The following MDFIC2 variants were observed in gnomAD, a reference collection of about 807,000 sequenced individuals.
The protein encoded by MDFIC2 is MyoD family inhibitor domain containing 2, also known as myoD family inhibitor domain-containing protein 2.
At chr3:70,305,918 T>G (rs968492474) in intron 2 of MDFIC2, among the ~76,000 whole-genome samples, 1 of 152,146 alleles carries the variant, frequency 6.6e-6, no homozygotes, top group Non-Finnish European at 1.5e-5. Flanking sequence ...GGAACCTGGA[T>G]TTTTTTGGAC....
chr3:70,274,525 T>C (rs892759634), intron 2 of MDFIC2, among the ~76,000 whole-genome samples: 10 of 152,118 alleles, frequency 6.6e-5, no homozygotes, highest in African/African-American at 2.4e-4. Flanking sequence ...AACTTCCAAA[T>C]TGAACAGAAA....
intron 2 of MDFIC2, among the ~76,000 whole-genome samples, chr3:70,298,178 C>T (rs1469745257): frequency 6.6e-6 from 1 of 152,020 alleles, no homozygotes; most frequent in African/African-American, 2.4e-5. Context: ...CTTAGGTTTG[C>T]AGGTTTTTGA....
chr3:70,274,226 T>C (rs908390365), intron 2 of MDFIC2, among the ~76,000 whole-genome samples: 1 of 151,934 alleles, frequency 6.6e-6, no homozygotes, highest in Non-Finnish European at 1.5e-5. Flanking sequence ...AGACAATTGA[T>C]ATGTTTTAAT....
At chr3:70,292,353 C>A (rs1193473954) in intron 2 of MDFIC2, among the ~76,000 whole-genome samples, 5 of 152,066 alleles carry the variant, frequency 3.3e-5, no homozygotes, top group Admixed American at 2.6e-4. Flanking sequence ...CTATACATAT[C>A]TTGTTGGCCT....
chr3:70,205,562 G>T (rs58093607), intron 3 of MDFIC2: 28,939 of 150,676 alleles, frequency 0.19, 2,985 homozygotes, highest in Non-Finnish European at 0.24. Flanking sequence ...ATTTTTTTTT[G>T]ATCCCCAACA....
rs142673703 is a variant in MDFIC2, at chr3:70,245,265, C to A, written c.89-38475G>T. On this transcript the variant is annotated intron_variant, in intron 2 of 3. Transcript: ENST00000567252. ...AAAGAAGATGAGAATTAGAAAAAAA[C>A]CAAATGAAATTTTGGTGATATAAAA... Among the ~76,000 whole-genome samples, 65 of 151,992 alleles carry A rather than the reference C, an allele frequency of 4.3e-4. No individual in the cohort carries two copies. The East Asian group carries it at 9.7e-3, about 23-fold the overall frequency.
At chr3:70,292,689 C>G (rs1157900817) in intron 2 of MDFIC2, among the ~76,000 whole-genome samples, 1 of 151,990 alleles carries the variant, frequency 6.6e-6, no homozygotes, top group Non-Finnish European at 1.5e-5. Flanking sequence ...AATGTTTTCT[C>G]TTTTTTGATG....
chr3:70,252,895 C>G (rs955741908), intron 2 of MDFIC2, among the ~76,000 whole-genome samples: 1 of 152,012 alleles, frequency 6.6e-6, no homozygotes, highest in East Asian at 1.9e-4. Flanking sequence ...GCGTGGCCAA[C>G]ATCGTGAAAC....
intron 2 of MDFIC2, among the ~76,000 whole-genome samples, chr3:70,253,439 G>C (rs75081251): frequency 1.1e-3 from 168 of 152,234 alleles, no homozygotes; most frequent in African/African-American, 3.9e-3. Context: ...TTTCGGTGGG[G>C]CACCTTATTT....
intron 2 of MDFIC2, among the ~76,000 whole-genome samples, chr3:70,267,962 T>TCCTTTCGCCTCC (rs1215454275): frequency 4.6e-5 from 7 of 151,572 alleles, no homozygotes; most frequent in South Asian, 4.2e-4. Context: ...CCTTCTCCTT[T>TCCTTTCGCCTCC]CCTTTCGCCT....
At chr3:70,216,454 CAT>C (rs1178004145) in intron 2 of MDFIC2, among the ~76,000 whole-genome samples, 1 of 151,910 alleles carries the variant, frequency 6.6e-6, no homozygotes, top group Non-Finnish European at 1.5e-5. Context: ...CCATTTTTCA[CAT>C]GAGGACACAG....
intron 2 of MDFIC2, among the ~76,000 whole-genome samples, chr3:70,274,672 G>T (rs1702004917): frequency 6.6e-6 from 1 of 152,084 alleles, no homozygotes; most frequent in Admixed American, 6.6e-5. Context: ...CTAGGTGATG[G>T]ATTGTTAGGT....
At chr3:70,210,741 A>G (rs937301687) in intron 2 of MDFIC2, among the ~76,000 whole-genome samples, 1 of 151,804 alleles carries the variant, frequency 6.6e-6, no homozygotes, top group South Asian at 2.1e-4. Flanking sequence ...TTAAAAACAA[A>G]CCAAAATTAG....
At chr3:70,263,895 T>G (rs1020395376) in intron 2 of MDFIC2, among the ~76,000 whole-genome samples, 7 of 152,188 alleles carry the variant, frequency 4.6e-5, no homozygotes, top group African/African-American at 1.7e-4. Flanking sequence ...TTCACAGTCC[T>G]GCAATTGCTG....
At chr3:70,281,529 A>G (rs1702083264) in intron 2 of MDFIC2, among the ~76,000 whole-genome samples, 2 of 152,174 alleles carry the variant, frequency 1.3e-5, no homozygotes, top group Non-Finnish European at 2.9e-5. Context: ...GAGGTGATAA[A>G]ATGAGATCAT....
chr3:70,216,903 A>G (rs772904965), intron 2 of MDFIC2, among the ~76,000 whole-genome samples: 3 of 152,112 alleles, frequency 2.0e-5, no homozygotes, highest in African/African-American at 4.8e-5. Flanking sequence ...ACAACCTATT[A>G]TGCACAGGGA....
At chr3:70,291,986 C>G (rs988295490) in intron 2 of MDFIC2, 33 of 152,302 alleles carry the variant, frequency 2.2e-4, no homozygotes, top group African/African-American at 7.2e-4. Flanking sequence ...TTAAGCATTT[C>G]TATCATATAC....
chr3:70,307,672 C>G (rs926578473), intron 2 of MDFIC2, among the ~76,000 whole-genome samples: 1 of 152,146 alleles, frequency 6.6e-6, no homozygotes, highest in Admixed American at 6.5e-5. Context: ...CTTCCCTTAA[C>G]ATTTCATCTG....
chr3:70,302,159 T>A (rs1431516370), intron 2 of MDFIC2, among the ~76,000 whole-genome samples: 1 of 152,174 alleles, frequency 6.6e-6, no homozygotes, highest in East Asian at 1.9e-4. Flanking sequence ...GCTGCACATT[T>A]ACTTCTCGAC....
Sources: allele counts gnomAD v4.1 joint callset (sites outside exome capture counted in the v4.1 genomes callset), GRCh38; gene constraint gnomAD v4.1.1; transcripts MANE v1.5; gene names NCBI Gene and HGNC (gene_info 2026-07-23, HGNC 2026-07-21).